The following ADGRG7 variants were observed in gnomAD, a reference collection of about 807,000 sequenced individuals.
ADGRG7 encodes the protein adhesion G protein-coupled receptor G7.
Under a neutral mutation model 88.6 loss-of-function variants are expected in ADGRG7, and 82 were observed. The observed-to-expected ratio is 0.93, with a 90% CI of 0.77 to 1.11. The LOEUF (loss-of-function observed/expected upper bound fraction) is 1.11, where lower values mean the gene tolerates loss of function less well. ADGRG7 is among the 50% of genes most tolerant of loss of function. The probability of loss-of-function intolerance (pLI) is 0.00; values close to 1 mark genes in which losing one functional copy is unlikely to be tolerated. For missense variants in ADGRG7, 945 were observed against 953.4 expected, an observed-to-expected ratio of 0.99 and a Z score of 0.12; for synonymous variants, 381 against 345.2, an observed-to-expected ratio of 1.10 and a Z score of -1.15.
At chr3:100,627,129 T>C (rs1707390270) in intron 1 of ADGRG7, among the ~76,000 whole-genome samples, 1 of 152,202 alleles carries the variant, frequency 6.6e-6, no homozygotes. Flanking sequence ...TTATAGCAAT[T>C]ATATTGAACT....
intron 3 of ADGRG7, among the ~76,000 whole-genome samples, chr3:100,631,101 T>C (rs1471149846): frequency 6.7e-6 from 1 of 149,994 alleles, no homozygotes; most frequent in African/African-American, 2.5e-5. Context: ...TAAATTGACA[T>C]TTGCTCCTTT....
intron 15 of ADGRG7, among the ~76,000 whole-genome samples, chr3:100,679,236 T>C (rs562529250): frequency 1.5e-4 from 23 of 152,300 alleles, no homozygotes; most frequent in South Asian, 8.3e-4. Flanking sequence ...TCTCTTTCCA[T>C]GGCTACCACC....
At chr3:100,682,733 G>A (rs776857613) in intron 15 of ADGRG7, among the ~76,000 whole-genome samples, 11 of 152,198 alleles carry the variant, frequency 7.2e-5, no homozygotes, top group Non-Finnish European at 1.5e-4. Flanking sequence ...TCCCACTCCA[G>A]GCTGTGAGGA....
In ADGRG7 at chr3:100,625,263, G is replaced by A. The variant is rs144466693; in HGVS notation, c.116-4335G>A. Among the ~76,000 whole-genome samples the A allele has an allele frequency of 1.7e-3, 258 of 152,252 alleles. 2 individuals carry two copies. The highest frequency in any genetic ancestry group is 5.7e-3 in the African/African-American group (237 of 41,546). ...AAGAGGTTCTTCACATCTCTTGTTA[G>A]CTGTATTCCTAGGTATTTTATTCTC... On this transcript the variant is annotated intron_variant, in intron 1 of 15. Transcript: ENST00000273352.
chr3:100,640,657 G>C (rs953943974), intron 6 of ADGRG7, among the ~76,000 whole-genome samples: 1 of 152,066 alleles, frequency 6.6e-6, no homozygotes, highest in Admixed American at 6.6e-5. Context: ...TAGTAGTTGG[G>C]ATTACAGGCA....
intron 15 of ADGRG7, among the ~76,000 whole-genome samples, chr3:100,685,609 G>C (rs1391700440): frequency 6.6e-6 from 1 of 152,094 alleles, no homozygotes; most frequent in African/African-American, 2.4e-5. Context: ...CCACCTATGA[G>C]TGAGAACATG....
chr3:100,684,257 C>CTATTTATTTATTTATTTATT (rs61090159), intron 15 of ADGRG7, among the ~76,000 whole-genome samples: 14,077 of 145,156 alleles, frequency 0.097, 916 homozygotes, highest in African/African-American at 0.17. Flanking sequence ...TCCATTTTAT[C>CTATTTATTTATTTATTTATT]TATTTATTTA....
chr3:100,657,043 T>C (rs545546466), intron 13 of ADGRG7, among the ~76,000 whole-genome samples: 2 of 152,330 alleles, frequency 1.3e-5, no homozygotes, highest in Non-Finnish European at 2.9e-5. Flanking sequence ...CTCACTCCTT[T>C]AAAAGTCTTC....
At position 100,651,350 on chromosome 3, in the gene ADGRG7, A is replaced by G. The variant is rs149002276; in HGVS notation, c.1379+1543A>G. ...AAATGCCTCTTAAATTTGTCTCATT[A>G]TTTGTATTTCTACCATCACCACAGT... On this transcript the variant is annotated intron_variant, in intron 11 of 15. Transcript: ENST00000273352. Among the ~76,000 whole-genome samples the G allele has an allele frequency of 8.7e-3, 1,323 of 152,296 alleles. 20 individuals carry two copies. Among genetic ancestry groups the G allele is most frequent in the African/African-American group, 0.031 (1,291 of 41,558 alleles).
In ADGRG7 at chr3:100,613,757, G is replaced by A. The variant is rs1428829600; in HGVS notation, c.115+3786G>A. Among the ~76,000 whole-genome samples, 3 of 152,078 alleles carry A rather than the reference G, an allele frequency of 2.0e-5. No homozygotes were observed. The East Asian group carries it at 5.8e-4, about 29-fold the overall frequency. ...TTCAAGGTATTAGATATTTTTACTC[G>A]AAATTCTGGATACTTGCTGTTCTTT... On this transcript the variant is annotated intron_variant, in intron 1 of 15. Coordinates refer to ENST00000273352, the MANE Select transcript of ADGRG7 (RefSeq NM_032787.3).
At chr3:100,658,435 A>G (rs1377219095) in intron 13 of ADGRG7, among the ~76,000 whole-genome samples, 1 of 152,224 alleles carries the variant, frequency 6.6e-6, no homozygotes, top group Non-Finnish European at 1.5e-5. Flanking sequence ...CTCAAGACAG[A>G]TCACGTCATG....
chr3:100,667,755 A>AT (rs753389115), intron 14 of ADGRG7, among the ~76,000 whole-genome samples: 3 of 152,068 alleles, frequency 2.0e-5, no homozygotes, highest in Non-Finnish European at 4.4e-5. Flanking sequence ...TCACCACACT[A>AT]TCTTTCACAA....
chr3:100,637,543 G>T (rs1707566441), intron 6 of ADGRG7, 141 bp downstream of exon 6: 8 of 630,432 alleles, frequency 1.3e-5, no homozygotes, highest in Admixed American at 1.1e-4. Context: ...TAAGAGCTGT[G>T]ACTTTCCACT....
chr3:100,673,552 C>T (rs1304463729), intron 15 of ADGRG7, among the ~76,000 whole-genome samples: 2 of 151,748 alleles, frequency 1.3e-5, no homozygotes, highest in African/African-American at 2.4e-5. Flanking sequence ...ACCTCTGCCT[C>T]CTGGGTTCAG....
intron 15 of ADGRG7, among the ~76,000 whole-genome samples, chr3:100,682,913 C>G (rs1279994273): frequency 6.6e-6 from 1 of 152,162 alleles, no homozygotes; most frequent in Non-Finnish European, 1.5e-5. Context: ...GGAAGACCCC[C>G]CTGCCTGGGT....
chr3:100,665,193 A>G (rs2094950202), intron 14 of ADGRG7: 2 of 539,840 alleles, frequency 3.7e-6, no homozygotes, highest in Non-Finnish European at 7.6e-6. Flanking sequence ...TCAGGCTTAC[A>G]TCCAACAGGA....
intron 1 of ADGRG7, among the ~76,000 whole-genome samples, chr3:100,626,210 G>C (rs1474397772): frequency 6.6e-6 from 1 of 152,072 alleles, no homozygotes; most frequent in African/African-American, 2.4e-5. Flanking sequence ...ACCTATTCAG[G>C]GATTTGGCTT....
rs148457999 is a variant in ADGRG7 at position 100,683,570 on chromosome 3, C to T, written c.2137-11174C>T. ...GGCATGCCTGGCTGTGCCCTGTGGC[C>T]GGACCCCATGCTTGCTTACACACCC... On this transcript the variant is annotated intron_variant, in intron 15 of 15. Transcript: ENST00000273352. 3.5e-3 allele frequency among the ~76,000 whole-genome samples: 526 copies of T among 152,332 alleles called. 5 individuals carry two copies. The highest frequency in any genetic ancestry group is 5.0e-3 in the Non-Finnish European group (341 of 68,024).
chr3:100,637,558 C>T (rs1402328664), intron 6 of ADGRG7, 156 bp downstream of exon 6: 2 of 602,070 alleles, frequency 3.3e-6, no homozygotes, highest in East Asian at 2.9e-5. Context: ...TCCACTTGAC[C>T]TTTAGTTACT....
Sources: allele counts gnomAD v4.1 joint callset (sites outside exome capture counted in the v4.1 genomes callset), GRCh38; gene constraint gnomAD v4.1.1; transcripts MANE v1.5; gene names NCBI Gene and HGNC (gene_info 2026-07-23, HGNC 2026-07-21).